HDAC9: variants seen among roughly 807,000 people sequenced by gnomAD.
HDAC9 encodes the protein MEF-2 interacting transcription repressor (MITR) protein.
HDAC9 carries 41 observed loss-of-function variants against 139.4 expected under a neutral mutation model. The ratio of observed to expected loss-of-function variants is 0.29; its 90% CI spans 0.23 to 0.38. The LOEUF (loss-of-function observed/expected upper bound fraction) is 0.38, where lower values mean the gene tolerates loss of function less well. Among genes scored for constraint, HDAC9 ranks in the 10% least tolerant of loss-of-function variants. The probability of loss-of-function intolerance (pLI) is 1.00; values close to 1 mark genes in which losing one functional copy is unlikely to be tolerated. For synonymous variants in HDAC9, 517 were observed against 476.2 expected (o/e 1.09, Z -1.12); for missense variants, 1,147 against 1,297.0 (o/e 0.88, Z 1.78).
chr7:18,624,359 G>T (rs935241169), intron 6 of HDAC9, among the ~76,000 whole-genome samples: 1 of 151,952 alleles, frequency 6.6e-6, no homozygotes, highest in Non-Finnish European at 1.5e-5. Context: ...AAAGGTATTG[G>T]GTCTGTTCTG....
At chr7:18,237,364 C>A (rs1793892269) in intron 2 of HDAC9, among the ~76,000 whole-genome samples, 1 of 152,126 alleles carries the variant, frequency 6.6e-6, no homozygotes, top group African/African-American at 2.4e-5. Context: ...TTGGAAACAT[C>A]TTGCTGTGGA....
At chr7:18,834,818 C>G (rs762681942) in intron 19 of HDAC9, among the ~76,000 whole-genome samples, 1 of 152,198 alleles carries the variant, frequency 6.6e-6, no homozygotes, top group Non-Finnish European at 1.5e-5. Context: ...GGATTGCTAA[C>G]TGAACTGAAC....
chr7:18,577,307 C>T (rs772476208), intron 2 of HDAC9, among the ~76,000 whole-genome samples: 16 of 152,168 alleles, frequency 1.1e-4, no homozygotes, highest in Non-Finnish European at 2.2e-4. Flanking sequence ...AATCACAAGT[C>T]ATTTGCAGTT....
chr7:18,318,707 G>A (rs780627189), intron 1 of HDAC9, among the ~76,000 whole-genome samples: 1 of 152,172 alleles, frequency 6.6e-6, no homozygotes, highest in Non-Finnish European at 1.5e-5. Flanking sequence ...TACAGAGAAG[G>A]TCTGTGCTTT....
intron 17 of HDAC9, among the ~76,000 whole-genome samples, chr7:18,824,417 A>C (rs7808313): frequency 0.1 from 15,728 of 152,238 alleles, 1,010 homozygotes; most frequent in African/African-American, 0.18. Flanking sequence ...AGTTTAACCC[A>C]GATAAGAAGG....
At chr7:18,821,699 C>T (rs1003522410) in intron 17 of HDAC9, among the ~76,000 whole-genome samples, 1 of 152,198 alleles carries the variant, frequency 6.6e-6, no homozygotes, top group African/African-American at 2.4e-5. Context: ...AATTCTGACA[C>T]TCTCTACCTG....
chr7:18,839,108 A>G (rs1237592478), intron 21 of HDAC9, among the ~76,000 whole-genome samples: 1 of 152,082 alleles, frequency 6.6e-6, no homozygotes, highest in African/African-American at 2.4e-5. Context: ...CTTCACGAGA[A>G]TTCTTAAAAT....
chr7:18,509,742 G>A (rs528504496), intron 2 of HDAC9, among the ~76,000 whole-genome samples: 5 of 151,860 alleles, frequency 3.3e-5, no homozygotes, highest in Admixed American at 6.6e-5. Context: ...CCCTAATTAC[G>A]TGTATTTTTT....
chr7:18,491,425 T>C (rs114213182), upstream of HDAC9, among the ~76,000 whole-genome samples: 2,016 of 152,034 alleles, frequency 0.013, 28 homozygotes, highest in Middle Eastern at 0.041. Context: ...AATGTATAAA[T>C]GCATATCACT....
At chr7:18,224,251 G>A (rs893101595) in intron 2 of HDAC9, among the ~76,000 whole-genome samples, 1 of 152,144 alleles carries the variant, frequency 6.6e-6, no homozygotes, top group Non-Finnish European at 1.5e-5. Flanking sequence ...GACATTCAGT[G>A]TTAGAGAGTG....
intron 24 of HDAC9, among the ~76,000 whole-genome samples, chr7:18,972,929 T>A (rs964249923): frequency 7.9e-5 from 12 of 152,218 alleles, no homozygotes; most frequent in Admixed American, 3.3e-4. Flanking sequence ...GATTATTTCT[T>A]TAGTAAGTAA....
intron 2 of HDAC9, among the ~76,000 whole-genome samples, chr7:18,244,666 C>T (rs967233747): frequency 2.0e-5 from 3 of 152,144 alleles, no homozygotes; most frequent in East Asian, 1.9e-4. Context: ...GGCGTGGTGG[C>T]GGGCGCCTGT....
chr7:18,594,333 T>C (rs997670929), intron 6 of HDAC9, among the ~76,000 whole-genome samples: 4 of 152,156 alleles, frequency 2.6e-5, no homozygotes, highest in African/African-American at 9.7e-5. Flanking sequence ...AAAATCTAAC[T>C]CTTCTCCATT....
intron 22 of HDAC9, among the ~76,000 whole-genome samples, chr7:18,928,599 C>A (rs1251403794): frequency 6.6e-6 from 1 of 152,086 alleles, no homozygotes; most frequent in Non-Finnish European, 1.5e-5. Flanking sequence ...TATCTAAAAA[C>A]AGAATTGCTT....
chr7:18,341,044 T>A (rs1781968224), intron 1 of HDAC9, among the ~76,000 whole-genome samples: 1 of 151,608 alleles, frequency 6.6e-6, no homozygotes, highest in African/African-American at 2.4e-5. Flanking sequence ...CTCCACTATC[T>A]TCTTGGTTAC....
chr7:18,627,158 A>G (rs529860336), intron 6 of HDAC9, among the ~76,000 whole-genome samples: 3 of 152,234 alleles, frequency 2.0e-5, no homozygotes, highest in Non-Finnish European at 2.9e-5. Context: ...TGCAAATTTC[A>G]TAACAGGAAA....
chr7:18,693,590 A>G lies in HDAC9; in HGVS notation c.1731+27114A>G, dbSNP rs543258857. 3.1e-4 allele frequency among the ~76,000 whole-genome samples: 47 copies of G among 152,246 alleles called. 2 individuals carry two copies. In the South Asian group the frequency reaches 9.1e-3, roughly 30 times the overall value. On this transcript the variant is annotated intron_variant, in intron 12 of 25. Transcript: ENST00000686413. ...AGCAGCACAAATTGAGCAATTGTCC[A>G]GTAGGGGTTGCTCATAGAGCAGGAA...
chr7:18,304,756 G>A (rs1019274325), intron 1 of HDAC9, among the ~76,000 whole-genome samples: 8 of 152,130 alleles, frequency 5.3e-5, no homozygotes, highest in Non-Finnish European at 8.8e-5. Flanking sequence ...GGCAGAGTGC[G>A]TAAGCCATTT....
intron 23 of HDAC9, chr7:18,949,421 G>A: frequency 4.1e-6 from 1 of 243,994 alleles, no homozygotes; most frequent in Non-Finnish European, 8.2e-6. Flanking sequence ...GTTAAGTGCT[G>A]CCCATTAATA....
Sources: gnomAD v4.1 joint callset for allele counts (sites outside exome capture counted in the v4.1 genomes callset) on GRCh38, gnomAD v4.1.1 for gene constraint, MANE v1.5 for transcripts, NCBI Gene and HGNC (gene_info 2026-07-23, HGNC 2026-07-21) for gene names.